Variants in PRKN observed in about 807,000 individuals in gnomAD.
The protein encoded by PRKN is parkin RBR E3 ubiquitin protein ligase, also known as E3 ubiquitin-protein ligase parkin.
Under a neutral mutation model 59.5 loss-of-function variants are expected in PRKN, and 56 were observed. The observed-to-expected ratio is 0.94, with a 90% CI of 0.76 to 1.18. The LOEUF (loss-of-function observed/expected upper bound fraction) is 1.18. Among genes scored for constraint, PRKN ranks in the 50% most tolerant of loss-of-function variants. The pLI is 0.00. For synonymous variants in PRKN, 250 were observed against 222.1 expected (o/e 1.13, Z -1.12); for missense variants, 657 against 596.4 (o/e 1.10, Z -1.06).
chr6:161,763,480 G>T (rs146652001), intron 7 of PRKN, among the ~76,000 whole-genome samples: 77 of 152,154 alleles, frequency 5.1e-4, no homozygotes, highest in African/African-American at 1.7e-3. Flanking sequence ...TAGTGCAGAG[G>T]GGAACATCTT....
chr6:161,511,316 C>T lies in PRKN; in HGVS notation c.1083+37538G>A, dbSNP rs1778381089. On this transcript the variant is annotated intron_variant, in intron 9 of 11. Coordinates refer to ENST00000366898, the MANE Select transcript of PRKN (RefSeq NM_004562.3). ...ATAAACACAATCTAGATTGCTGCTA[C>T]ATATATAGTTCAGATGATTTAAACT... 2.0e-5 allele frequency among the ~76,000 whole-genome samples: 3 copies of T among 152,252 alleles called. No homozygotes were observed. The South Asian group carries it at 6.2e-4, about 32-fold the overall frequency.
At chr6:161,846,891 C>G (rs909855256) in intron 6 of PRKN, among the ~76,000 whole-genome samples, 16 of 152,202 alleles carry the variant, frequency 1.1e-4, no homozygotes, top group African/African-American at 3.9e-4. Context: ...AATGATGGCT[C>G]TATCACTGTA....
chr6:162,399,205 G>A (rs1787637348), intron 2 of PRKN, among the ~76,000 whole-genome samples: 1 of 152,150 alleles, frequency 6.6e-6, no homozygotes, highest in Admixed American at 6.5e-5. Flanking sequence ...AGGAACTGTG[G>A]AAGGAAGCCA....
At chr6:161,834,307 T>C (rs1472777634) in intron 6 of PRKN, among the ~76,000 whole-genome samples, 2 of 152,166 alleles carry the variant, frequency 1.3e-5, no homozygotes, top group African/African-American at 4.8e-5. Context: ...AAGCTCCTTC[T>C]TCCTTTGCAG....
At chr6:162,184,776 C>G (rs1164998054) in intron 4 of PRKN, among the ~76,000 whole-genome samples, 24 of 152,156 alleles carry the variant, frequency 1.6e-4, no homozygotes, top group Non-Finnish European at 4.4e-5. Flanking sequence ...ACATTTCACA[C>G]GTGCTTTAAA....
At chr6:161,366,981 CCTTTTTTTTTTTTT>C (rs1449885449) in intron 10 of PRKN, among the ~76,000 whole-genome samples, 4 of 126,940 alleles carry the variant, frequency 3.2e-5, no homozygotes, top group Non-Finnish European at 6.5e-5. Flanking sequence ...TTTTTTGTTT[CCTTTTTTTTTTTTT>C]TTTTTTTTTT....
intron 6 of PRKN, among the ~76,000 whole-genome samples, chr6:161,874,563 TA>T (rs1345240361): frequency 8.7e-6 from 1 of 114,832 alleles, no homozygotes; most frequent in Admixed American, 1.1e-4. Flanking sequence ...ATATTATATA[TA>T]AAATATATAT....
At chr6:162,554,002 G>C (rs1779445473) in intron 1 of PRKN, among the ~76,000 whole-genome samples, 1 of 152,126 alleles carries the variant, frequency 6.6e-6, no homozygotes, top group South Asian at 2.1e-4. Flanking sequence ...CACAGCAAGG[G>C]CTCTGCAAGC....
Position 161,813,364 on chromosome 6 carries a change from G to A in PRKN, c.735-27456C>T, listed in dbSNP as rs572295594. On this transcript the variant is annotated intron_variant, in intron 6 of 11. Coordinates refer to ENST00000366898, the MANE Select transcript of PRKN (RefSeq NM_004562.3). ...GTCCCCAGCCTCACCGGGCTGCGGC[G>A]AGGCGGTGCAGTATCTGTGGACAGC... Among the ~76,000 whole-genome samples, 12 of 152,266 alleles carry A rather than the reference G, an allele frequency of 7.9e-5. No individual in the cohort carries two copies. In the Middle Eastern group the frequency reaches 0.01, roughly 129 times the overall value.
At chr6:162,259,386 G>A (rs971983114) in intron 3 of PRKN, among the ~76,000 whole-genome samples, 8 of 152,092 alleles carry the variant, frequency 5.3e-5, no homozygotes, top group African/African-American at 1.9e-4. Flanking sequence ...CAACATTTTG[G>A]GGCCTCTACC....
intron 7 of PRKN, among the ~76,000 whole-genome samples, chr6:161,701,506 T>C (rs1209992363): frequency 6.6e-6 from 1 of 152,202 alleles, no homozygotes; most frequent in Admixed American, 6.5e-5. Context: ...AATTTAAAAG[T>C]AACCATAAGA....
intron 1 of PRKN, among the ~76,000 whole-genome samples, chr6:162,681,187 T>C (rs1318333460): frequency 1.3e-5 from 2 of 152,120 alleles, no homozygotes; most frequent in Non-Finnish European, 2.9e-5. Flanking sequence ...AAATAGTTTA[T>C]TAGCAAAAAA....
At chr6:162,090,807 G>A (rs535892633) in intron 4 of PRKN, among the ~76,000 whole-genome samples, 1 of 152,230 alleles carries the variant, frequency 6.6e-6, no homozygotes, top group Admixed American at 6.6e-5. Flanking sequence ...TTTTTCTCTA[G>A]TGCTGAAGGT....
intron 5 of PRKN, among the ~76,000 whole-genome samples, chr6:162,017,073 A>G (rs1782960471): frequency 6.6e-6 from 1 of 152,230 alleles, no homozygotes; most frequent in South Asian, 2.1e-4. Context: ...CTAAGATCAT[A>G]GCATGTGGAT....
chr6:162,139,012 A>C (rs987306260), intron 4 of PRKN, among the ~76,000 whole-genome samples: 1 of 152,196 alleles, frequency 6.6e-6, no homozygotes, highest in African/African-American at 2.4e-5. Flanking sequence ...AGAAAGCAAG[A>C]GTGGGGGCTA....
At chr6:162,259,525 A>G (rs897035949) in intron 3 of PRKN, among the ~76,000 whole-genome samples, 2 of 152,250 alleles carry the variant, frequency 1.3e-5, no homozygotes, top group Non-Finnish European at 2.9e-5. Context: ...GAGTCTGTGA[A>G]TCTCTGCTCT....
chr6:161,708,574 G>A (rs760860028), intron 7 of PRKN, among the ~76,000 whole-genome samples: 36 of 151,890 alleles, frequency 2.4e-4, no homozygotes, highest in Admixed American at 1.3e-4. Context: ...TCACTTAACC[G>A]TTCTTTCAAC....
At chr6:162,722,395 A>AG (rs1163695793) in intron 1 of PRKN, among the ~76,000 whole-genome samples, 1 of 152,218 alleles carries the variant, frequency 6.6e-6, no homozygotes, top group African/African-American at 2.4e-5. Flanking sequence ...TAAATAAGCC[A>AG]GGGAGGTGAG....
Position 161,426,205 on chromosome 6 carries a change from C to T in PRKN, c.1084-39328G>A, listed in dbSNP as rs11757071. Among the ~76,000 whole-genome samples, 410 of 152,234 alleles carry T rather than the reference C, an allele frequency of 2.7e-3. 1 individual carries two copies. Among genetic ancestry groups the T allele is most frequent in the South Asian group, 0.011 (51 of 4,816 alleles). On this transcript the variant is annotated intron_variant, in intron 9 of 11. Coordinates refer to ENST00000366898, the MANE Select transcript of PRKN (RefSeq NM_004562.3). ...AGATGTCCCACTGCCCCTGAATACCCAAAGGGGCGTGCTGAAGTACCTCAG... is the reference window on the plus strand; with the variant it reads ...AGATGTCCCACTGCCCCTGAATACCTAAAGGGGCGTGCTGAAGTACCTCAG...
Sources: gnomAD v4.1 joint callset for allele counts (sites outside exome capture counted in the v4.1 genomes callset) on GRCh38, gnomAD v4.1.1 for gene constraint, MANE v1.5 for transcripts, NCBI Gene and HGNC (gene_info 2026-07-23, HGNC 2026-07-21) for gene names.